The following MICAL3 variants were observed in gnomAD, a reference collection of about 807,000 sequenced individuals.
MICAL3 encodes [F-actin]-monooxygenase MICAL3.
In MICAL3, 62 loss-of-function variants were observed where a neutral mutation model predicts 207.4. The observed-to-expected ratio is 0.30, with a 90% CI of 0.24 to 0.37. The LOEUF is 0.37. MICAL3 is among the 10% of genes least tolerant of loss of function. The pLI is 1.00. For missense variants in MICAL3, 2,368 were observed against 2,635.6 expected (o/e 0.90, Z 2.22); for synonymous variants, 1,077 against 1,069.3 (o/e 1.01, Z -0.14).
In MICAL3 at chr22:17,900,292, G is replaced by A. The variant is rs1426497559; in HGVS notation, c.847+550C>T. The stretch of plus-strand genomic sequence containing the variant: ...AAGAACTAGTGGAGGCAGAACGAAT[G>A]CTTTACAACAAATAAACGAACAAAC... On this transcript the variant is annotated intron_variant, in intron 6 of 31. Coordinates refer to ENST00000441493, the MANE Select transcript of MICAL3 (RefSeq NM_015241.3). The surrounding 1 kb of genome is among the most constrained non-coding windows in gnomAD (Gnocchi z 4.0). Among the ~76,000 whole-genome samples, 1 of 152,192 alleles carries A rather than the reference G, an allele frequency of 6.6e-6. No homozygotes were observed. The highest frequency in any genetic ancestry group is 1.9e-4 in the East Asian group (1 of 5,198).
intron 29 of MICAL3, chr22:17,791,549 C>T (rs1252117667): frequency 3.6e-6 from 2 of 551,826 alleles, no homozygotes; most frequent in Non-Finnish European, 6.5e-6. Flanking sequence ...ACCTTGCCCT[C>T]CCCGGGGCTG....
At chr22:17,992,824 C>G (rs1286408704) in intron 1 of MICAL3, among the ~76,000 whole-genome samples, 1 of 152,162 alleles carries the variant, frequency 6.6e-6, no homozygotes, top group Admixed American at 6.5e-5. Context: ...GAGTCATTAG[C>G]TATGCAAATT....
chr22:17,808,801 G>T, intron 29 of MICAL3, 43 bp downstream of exon 29: 1 of 1,505,038 alleles, frequency 6.6e-7, no homozygotes, highest in Non-Finnish European at 9.0e-7. Flanking sequence ...CGGGAGGGAG[G>T]GCTTCCTCCA....
At chr22:17,876,215 G>A (rs536789585) in intron 16 of MICAL3, among the ~76,000 whole-genome samples, 20 of 152,158 alleles carry the variant, frequency 1.3e-4, no homozygotes, top group Non-Finnish European at 2.2e-4. Context: ...TCCCTTAGCC[G>A]TGGGCCCATG....
In MICAL3 at chr22:17,806,099, G is replaced by A. The variant is rs571097640; in HGVS notation, c.5650+2745C>T. 2.0e-5 allele frequency among the ~76,000 whole-genome samples: 3 copies of A among 152,310 alleles called. No individual in the cohort carries two copies. The East Asian group carries it at 5.8e-4, about 29-fold the overall frequency. ...CCCAATAATTTGTGCTGCCAGGTGA[G>A]CTTGATTTTGTGGAGCCCTCAGGAT... is the stretch of plus-strand genomic sequence containing the variant. On this transcript the variant is annotated intron_variant, in intron 29 of 31. Transcript: ENST00000441493.
chr22:17,831,940 C>T lies in MICAL3; in HGVS notation c.2969G>A (p.Gly990Glu). The T allele has an allele frequency of 6.3e-7, 1 of 1,576,988 alleles. No homozygotes were observed. Among genetic ancestry groups the T allele is most frequent in the Non-Finnish European group, 8.6e-7 (1 of 1,161,360 alleles). ...CTCCTCCTCCTCCTCCTCTTCATTC[C>T]CAGGCCCAAAGCTCTTTGAGGCCTC... is the stretch of plus-strand genomic sequence containing the variant. ...ELEASKSFGPGNEEEEEEEEE... is the reference protein window; with the variant it reads ...ELEASKSFGPENEEEEEEEEE... Residue 990 changes from glycine to glutamate, a missense_variant, in exon 21 of 32, where the codon GGG becomes GAG. Physicochemically the swap from Gly to Glu is moderately conservative, Grantham distance 98 (BLOSUM62 -2). This residue lies in a region of MICAL3 where 1,770 missense variants were observed against 1,863.2 expected (regional missense o/e 0.95). Coordinates refer to ENST00000441493, the MANE Select transcript of MICAL3 (RefSeq NM_015241.3).
rs530240791 is a variant in MICAL3 at position 17,961,931 on chromosome 22, T to A, written c.-74-55045A>T. Among the ~76,000 whole-genome samples, 13 of 152,276 alleles carry A rather than the reference T, an allele frequency of 8.5e-5. No individual in the cohort carries two copies. The South Asian group carries it at 2.7e-3, about 32-fold the overall frequency. On this transcript the variant is annotated intron_variant, in intron 1 of 31. Transcript: ENST00000441493. The stretch of plus-strand genomic sequence containing the variant: ...GTATCACAAGATCAGCCTTTGAAAA[T>A]ATCTGTTTGGGGTTTCCTTTCCTAG...
At chr22:17,879,654 G>A (rs1473051419) in intron 16 of MICAL3, among the ~76,000 whole-genome samples, 1 of 152,160 alleles carries the variant, frequency 6.6e-6, no homozygotes, top group African/African-American at 2.4e-5. Context: ...GAAGAACTAT[G>A]GTTAGTACAA....
intron 1 of MICAL3, among the ~76,000 whole-genome samples, chr22:17,928,779 C>T (rs1170297196): frequency 1.3e-5 from 2 of 152,178 alleles, no homozygotes; most frequent in African/African-American, 4.8e-5. Context: ...CCTGATGTGA[C>T]AAATGACTGG....
intron 23 of MICAL3, 133 bp from the exon 24 acceptor site, chr22:17,822,303 G>C: frequency 8.4e-7 from 1 of 1,188,894 alleles, no homozygotes; most frequent in Non-Finnish European, 1.1e-6. Context: ...CCCTTCTTAC[G>C]CAGGGACAGA....
intron 22 of MICAL3, among the ~76,000 whole-genome samples, chr22:17,825,925 G>A (rs541711601): frequency 3.3e-5 from 5 of 152,136 alleles, no homozygotes; most frequent in East Asian, 1.9e-4. Flanking sequence ...CCTGCAGCTC[G>A]GGCTGGATTT....
chr22:17,858,184 C>T (rs1052817730), intron 19 of MICAL3, among the ~76,000 whole-genome samples: 1 of 152,174 alleles, frequency 6.6e-6, no homozygotes, highest in Admixed American at 6.5e-5. Flanking sequence ...CACCCCCTCC[C>T]GCCAAGGTAA....
chr22:17,800,455 T>C (rs2061926050), intron 29 of MICAL3, among the ~76,000 whole-genome samples: 1 of 152,202 alleles, frequency 6.6e-6, no homozygotes, highest in Non-Finnish European at 1.5e-5. Flanking sequence ...TTTGAGTCTT[T>C]TTAATGATTT....
At chr22:17,933,759 T>C (rs773125967) in intron 1 of MICAL3, among the ~76,000 whole-genome samples, 11 of 151,458 alleles carry the variant, frequency 7.3e-5, no homozygotes, top group Non-Finnish European at 1.3e-4. Context: ...GAGAGAAGAA[T>C]CAAACAGACA....
intron 16 of MICAL3, among the ~76,000 whole-genome samples, chr22:17,885,596 T>A (rs548628775): frequency 1.8e-4 from 28 of 151,712 alleles, no homozygotes; most frequent in African/African-American, 6.8e-4. Flanking sequence ...TCTGCAAACA[T>A]GTACAGATGT....
intron 25 of MICAL3, 112 bp from the exon 26 acceptor site, chr22:17,819,241 T>C (rs1921277489): frequency 2.8e-6 from 3 of 1,064,414 alleles, no homozygotes; most frequent in Non-Finnish European, 3.8e-6. Context: ...GCTGCAGGAC[T>C]TCCCCGTCCT....
At chr22:17,982,969 G>C (rs1328854106) in intron 1 of MICAL3, among the ~76,000 whole-genome samples, 2 of 152,132 alleles carry the variant, frequency 1.3e-5, no homozygotes, top group Non-Finnish European at 2.9e-5. Flanking sequence ...GGAAAGGACA[G>C]AGTCCAAAAA....
intron 3 of MICAL3, among the ~76,000 whole-genome samples, chr22:17,904,079 G>A (rs1399486569): frequency 1.3e-5 from 2 of 152,220 alleles, no homozygotes; most frequent in East Asian, 1.9e-4. Context: ...CTTGCAGACC[G>A]CACAAGAACC....
At chr22:17,906,213 T>C (rs748381960) in intron 2 of MICAL3, among the ~76,000 whole-genome samples, 6 of 152,210 alleles carry the variant, frequency 3.9e-5, no homozygotes, top group Non-Finnish European at 7.3e-5. Context: ...ACGCTCAATA[T>C]GTAAATACAT....
Sources: gnomAD v4.1 joint callset for allele counts (sites outside exome capture counted in the v4.1 genomes callset) on GRCh38, gnomAD v4.1.1 for gene constraint, gnomAD v4.1.1 regional missense constraint, Gnocchi (gnomAD v3.1) non-coding constraint, MANE v1.5 for transcripts, NCBI Gene and HGNC (gene_info 2026-07-23, HGNC 2026-07-21) for gene names.